Variants in MAP3K5 observed in about 807,000 individuals in gnomAD.
MAP3K5 encodes the protein ASK-1.
MAP3K5 carries 56 observed loss-of-function variants against 158.7 expected under a neutral mutation model. The observed-to-expected ratio is 0.35, with a 90% confidence interval of 0.28 to 0.44. The LOEUF (loss-of-function observed/expected upper bound fraction) is 0.44, where lower values mean the gene tolerates loss of function less well. Ranked by LOEUF, MAP3K5 falls within the 20% of genes least tolerant of loss-of-function variation. The probability of loss-of-function intolerance (pLI) is 1.00; values close to 1 mark genes in which losing one functional copy is unlikely to be tolerated. For missense variants in MAP3K5, 1,294 were observed against 1,674.8 expected, an observed-to-expected ratio of 0.77 and a Z score of 3.97; for synonymous variants, 579 against 601.7, an observed-to-expected ratio of 0.96 and a Z score of 0.55.
intron 4 of MAP3K5, among the ~76,000 whole-genome samples, chr6:136,697,927 T>C (rs1780674898): frequency 6.6e-6 from 1 of 152,170 alleles, no homozygotes. Context: ...GTATTTTTGG[T>C]AGAGACAGGG....
chr6:136,649,631 T>C (rs372219378), intron 11 of MAP3K5, among the ~76,000 whole-genome samples: 21 of 152,288 alleles, frequency 1.4e-4, no homozygotes, highest in African/African-American at 5.1e-4. Flanking sequence ...TCCCAAATGA[T>C]TACTCCCATG....
At chr6:136,650,770 C>T (rs1012626311) in intron 11 of MAP3K5, among the ~76,000 whole-genome samples, 6 of 152,070 alleles carry the variant, frequency 3.9e-5, no homozygotes, top group Non-Finnish European at 8.8e-5. Context: ...TAATAAAAAT[C>T]CAAATAGTTC....
At chr6:136,658,440 A>C (rs892696498) in intron 9 of MAP3K5, among the ~76,000 whole-genome samples, 1 of 148,740 alleles carries the variant, frequency 6.7e-6, no homozygotes, top group Non-Finnish European at 1.5e-5. Context: ...TCAGCCTCCC[A>C]AGTAGCTGGG....
intron 1 of MAP3K5, among the ~76,000 whole-genome samples, chr6:136,749,841 C>G (rs1032423676): frequency 1.3e-5 from 2 of 152,076 alleles, no homozygotes; most frequent in Non-Finnish European, 2.9e-5. Flanking sequence ...TATGGAGGAA[C>G]CTGGGGCAGG....
At chr6:136,720,095 G>A (rs1402400629) in intron 2 of MAP3K5, among the ~76,000 whole-genome samples, 7 of 152,170 alleles carry the variant, frequency 4.6e-5, no homozygotes, top group Non-Finnish European at 1.0e-4. Context: ...CTTTTAGTTG[G>A]GAGACTGGTG....
At position 136,592,511 on chromosome 6, in the gene MAP3K5, G is replaced by T. The variant is rs762512064; in HGVS notation, c.2982C>A (p.Asp994Glu). 1 of 1,613,832 alleles carries T rather than the reference G, an allele frequency of 6.2e-7. No homozygotes were observed. The highest frequency in any genetic ancestry group is 1.7e-5 in the Admixed American group (1 of 59,980). ...SVSPDTELKVDPFSFKTRAKS... is the reference protein window; with the variant it reads ...SVSPDTELKVEPFSFKTRAKS... ...TGGCTCTTGTTTTGAAAGAGAAGGG[G>T]TCCACTTTCAACTCCGTGTCGGGTG... Residue 994 changes from aspartate to glutamate, a missense_variant, in exon 22 of 30, where the codon GAC becomes GAA. Asp to Glu is a conservative substitution (Grantham distance 45, BLOSUM62 2). Around this residue, in one of 5 missense-constraint regions of MAP3K5, gnomAD observed 362 missense variants for 463.2 expected, o/e 0.78. Coordinates refer to ENST00000359015, the MANE Select transcript of MAP3K5 (RefSeq NM_005923.4).
At chr6:136,615,830 C>T (rs1463115438) in intron 15 of MAP3K5, among the ~76,000 whole-genome samples, 2 of 152,126 alleles carry the variant, frequency 1.3e-5, no homozygotes, top group Non-Finnish European at 2.9e-5. Flanking sequence ...TTCAGTCCTA[C>T]ATGTAGGAAA....
chr6:136,557,925 A>T, intron 29 of MAP3K5, 107 bp from the exon 30 acceptor site: 1 of 777,398 alleles, frequency 1.3e-6, no homozygotes, highest in Admixed American at 1.8e-5. Flanking sequence ...TCAGAAGAAG[A>T]TCCCAAAGTC....
At chr6:136,564,897 G>A (rs1463516138) in intron 26 of MAP3K5, among the ~76,000 whole-genome samples, 1 of 152,180 alleles carries the variant, frequency 6.6e-6, no homozygotes, top group Non-Finnish European at 1.5e-5. Context: ...CAAATAAGGT[G>A]AACGCCAACC....
rs189446771 is a variant in MAP3K5 at position 136,790,522 on chromosome 6, G to T, written c.448+1188C>A. Among the ~76,000 whole-genome samples, 392 of 152,294 alleles carry T rather than the reference G, an allele frequency of 2.6e-3. 2 individuals are homozygous for T. Among genetic ancestry groups the T allele is most frequent in the Non-Finnish European group, 2.9e-3 (197 of 68,030 alleles). Reference sequence around the variant, plus strand: ...GACCAAAACTATTTTAAAAATACCAGAACGAGAAAGTCCTAGTTTATTTAG... The same window carrying T: ...GACCAAAACTATTTTAAAAATACCATAACGAGAAAGTCCTAGTTTATTTAG... On this transcript the variant is annotated intron_variant, in intron 1 of 29. Coordinates refer to ENST00000359015, the MANE Select transcript of MAP3K5 (RefSeq NM_005923.4).
At chr6:136,654,124 T>C (rs995379382) in intron 10 of MAP3K5, among the ~76,000 whole-genome samples, 1 of 152,262 alleles carries the variant, frequency 6.6e-6, no homozygotes, top group African/African-American at 2.4e-5. Context: ...AGTGTTAACA[T>C]GCTGTCATAT....
rs577527751 is a variant in MAP3K5 at position 136,605,140 on chromosome 6, A to T, written c.2679+69T>A. 1.3e-5 allele frequency: 19 copies of T among 1,486,386 alleles called. No individual in the cohort carries two copies. In the African/African-American group the frequency reaches 2.7e-4, roughly 21 times the overall value. 92.1% of individuals were successfully genotyped at this position (1,486,386 alleles called of 1,614,324 possible). On this transcript the variant is annotated intron_variant, in intron 19 of 29. Transcript: ENST00000359015. ...CCCTTTATCTAAAAAAATATGACAC[A>T]CACACACAGAACATCCAACAGCTAT...
chr6:136,565,157 G>A (rs1774042460), intron 26 of MAP3K5, among the ~76,000 whole-genome samples: 2 of 152,180 alleles, frequency 1.3e-5, no homozygotes, highest in Admixed American at 6.5e-5. Context: ...AGTATTGACA[G>A]CCCACCTCAT....
chr6:136,708,236 G>T (rs1429569335), intron 2 of MAP3K5, among the ~76,000 whole-genome samples: 1 of 152,030 alleles, frequency 6.6e-6, no homozygotes, highest in African/African-American at 2.4e-5. Context: ...CTAATTTGAT[G>T]ATGTTACTTA....
Position 136,642,412 on chromosome 6 carries a change from T to C in MAP3K5, c.1838+108A>G, listed in dbSNP as rs776959846. The stretch of plus-strand genomic sequence containing the variant: ...CTGGGCATTTCCACCAATTGAATGA[T>C]TCTTGACATTCCTTGTATTTTAAAA... On this transcript the variant is annotated intron_variant, in intron 12 of 29. Coordinates refer to ENST00000359015, the MANE Select transcript of MAP3K5 (RefSeq NM_005923.4). 2.8e-4 allele frequency: 233 copies of C among 820,262 alleles called. 1 individual carries two copies. Among genetic ancestry groups the C allele is most frequent in the Non-Finnish European group, 2.6e-4 (126 of 485,624 alleles). 50.8% of individuals were successfully genotyped at this position (820,262 alleles called of 1,614,324 possible).
At chr6:136,777,140 C>G (rs1473857833) in intron 1 of MAP3K5, among the ~76,000 whole-genome samples, 1 of 152,230 alleles carries the variant, frequency 6.6e-6, no homozygotes, top group Non-Finnish European at 1.5e-5. Context: ...TGTCATAACT[C>G]ATGTGCAAGC....
At chr6:136,709,377 A>G (rs1367586480) in intron 2 of MAP3K5, among the ~76,000 whole-genome samples, 1 of 152,164 alleles carries the variant, frequency 6.6e-6, no homozygotes, top group Non-Finnish European at 1.5e-5. Flanking sequence ...GAGTTTGACT[A>G]AGTGATTGCT....
chr6:136,784,222 T>C (rs1393933663), intron 1 of MAP3K5, among the ~76,000 whole-genome samples: 1 of 152,018 alleles, frequency 6.6e-6, no homozygotes, highest in African/African-American at 2.4e-5. Context: ...ACCAGGATCC[T>C]GGCAGCCCAG....
At chr6:136,625,476 C>T (rs1776990973) in intron 14 of MAP3K5, among the ~76,000 whole-genome samples, 1 of 152,156 alleles carries the variant, frequency 6.6e-6, no homozygotes. Context: ...GAAAAGTCAG[C>T]CCACTACACT....
Sources: gnomAD v4.1 joint callset for allele counts (sites outside exome capture counted in the v4.1 genomes callset) on GRCh38, gnomAD v4.1.1 for gene constraint, gnomAD v4.1.1 regional missense constraint, MANE v1.5 for transcripts, NCBI Gene and HGNC (gene_info 2026-07-23, HGNC 2026-07-21) for gene names.